Variants in HCRTR2 observed in about 807,000 individuals in gnomAD.
HCRTR2 encodes hypocretin receptor 2.
A neutral mutation model predicts 49.0 loss-of-function variants in HCRTR2; 22 were observed. The ratio of observed to expected loss-of-function variants is 0.45; its 90% CI spans 0.32 to 0.64. The LOEUF is 0.64. HCRTR2 is among the 30% of genes least tolerant of loss of function. The probability of loss-of-function intolerance (pLI) is 0.04; values close to 1 mark genes in which losing one functional copy is unlikely to be tolerated. For missense variants in HCRTR2, 491 were observed against 559.4 expected (o/e 0.88, Z 1.23); for synonymous variants, 236 against 205.3 (o/e 1.15, Z -1.28).
chr6:55,224,958 T>G (rs768278176), intron 1 of HCRTR2, among the ~76,000 whole-genome samples: 1 of 152,178 alleles, frequency 6.6e-6, no homozygotes, highest in Non-Finnish European at 1.5e-5. Flanking sequence ...ATATAGTTAG[T>G]AACAATATTT....
chr6:55,110,504 T>C (rs1401625103), intron 1 of HCRTR2, among the ~76,000 whole-genome samples: 1 of 151,948 alleles, frequency 6.6e-6, no homozygotes, highest in Non-Finnish European at 1.5e-5. Flanking sequence ...TAAGGATTTA[T>C]ATAAACTTAA....
At chr6:55,130,884 G>C (rs542420731) in intron 1 of HCRTR2, among the ~76,000 whole-genome samples, 1 of 151,898 alleles carries the variant, frequency 6.6e-6, no homozygotes, top group Admixed American at 6.6e-5. Context: ...TCTGGCTTGG[G>C]CAAATCTTCA....
chr6:55,233,817 TA>T (rs1369655706), intron 1 of HCRTR2, among the ~76,000 whole-genome samples: 2 of 152,216 alleles, frequency 1.3e-5, no homozygotes, highest in East Asian at 3.8e-4. Context: ...AAATAGGAAG[TA>T]AAACATGATT....
At chr6:55,248,549 T>C (rs62416818) in intron 1 of HCRTR2, 90 bp from the exon 2 acceptor site, 232,015 of 1,064,470 alleles carry the variant, frequency 0.22, 27,060 homozygotes, top group Middle Eastern at 0.26. Context: ...TAAATACATA[T>C]TTGTGGACTT....
At chr6:55,177,492 G>A (rs1765061528) in intron 1 of HCRTR2, among the ~76,000 whole-genome samples, 1 of 152,070 alleles carries the variant, frequency 6.6e-6, no homozygotes. Flanking sequence ...GGTAGGACAG[G>A]ATGTCACATG....
At chr6:55,157,622 A>G (rs1369559831) in intron 1 of HCRTR2, among the ~76,000 whole-genome samples, 2 of 150,760 alleles carry the variant, frequency 1.3e-5, no homozygotes, top group African/African-American at 5.0e-5. Flanking sequence ...AGCACAGCCC[A>G]AGGGTGGTAA....
At chr6:55,190,748 C>G (rs915569032) in intron 1 of HCRTR2, among the ~76,000 whole-genome samples, 1 of 152,080 alleles carries the variant, frequency 6.6e-6, no homozygotes, top group Non-Finnish European at 1.5e-5. Flanking sequence ...TTACTTTGAA[C>G]AATGCATTTA....
intron 1 of HCRTR2, among the ~76,000 whole-genome samples, chr6:55,135,965 T>A (rs1024555945): frequency 6.6e-6 from 1 of 152,204 alleles, no homozygotes; most frequent in Non-Finnish European, 1.5e-5. Flanking sequence ...TCAATTTTCA[T>A]GGCTCTAAAA....
chr6:55,240,733 C>T, intron 1 of HCRTR2: 1 of 382,178 alleles, frequency 2.6e-6, no homozygotes, highest in Non-Finnish European at 5.2e-6. Context: ...TCCTGGTCAG[C>T]TTCCCAGGTT....
chr6:55,278,646 G>A (rs910798085), intron 5 of HCRTR2, among the ~76,000 whole-genome samples: 1 of 151,552 alleles, frequency 6.6e-6, no homozygotes, highest in African/African-American at 2.4e-5. Context: ...TTTGTGGCCT[G>A]GGTCCTTGAG....
rs376959252 is a variant in HCRTR2 at position 55,108,820 on chromosome 6, T to TG, written c.-378+2281dup. Among the ~76,000 whole-genome samples, 573 of 152,034 alleles carry TG rather than the reference T, an allele frequency of 3.8e-3. 6 individuals carry two copies. The highest frequency in any genetic ancestry group is 0.012 in the African/African-American group (505 of 41,502). ...GAGTGCAAATTTTCCAGGGCAGAAC[T>TG]GGGGGGTTGGGGTGAAGGGAGAGAG... On this transcript the variant is annotated intron_variant, in intron 1 of 7. Coordinates refer to the HCRTR2 transcript ENST00000615358.
At chr6:55,174,309 C>T (rs1764994735), upstream of HCRTR2, 1 of 490,552 alleles carries the variant, frequency 2.0e-6, no homozygotes, top group South Asian at 2.1e-5. Context: ...GTAGCTTTCT[C>T]CTCCTGGTGT....
chr6:55,280,526 AGTTTAGTTGCTAT>A, intron 6 of HCRTR2, 82 bp downstream of exon 6: 2 of 1,579,356 alleles, frequency 1.3e-6, no homozygotes, highest in Non-Finnish European at 1.7e-6. Flanking sequence ...CTATATGAGG[AGTTTAGTTGCTAT>A]GTGAGTTGTA....
intron 1 of HCRTR2, among the ~76,000 whole-genome samples, chr6:55,115,809 G>T (rs1199230532): frequency 6.7e-6 from 1 of 150,204 alleles, no homozygotes; most frequent in Admixed American, 6.7e-5. Flanking sequence ...ATAATACAGA[G>T]ATATTCATTC....
intron 1 of HCRTR2, among the ~76,000 whole-genome samples, chr6:55,240,220 C>T (rs1356297035): frequency 6.6e-6 from 1 of 151,220 alleles, no homozygotes; most frequent in Non-Finnish European, 1.5e-5. Flanking sequence ...TAGCCAGGCG[C>T]GGTGGCGGGC....
intron 1 of HCRTR2, among the ~76,000 whole-genome samples, chr6:55,177,713 G>A (rs563918260): frequency 6.6e-6 from 1 of 152,064 alleles, no homozygotes; most frequent in Non-Finnish European, 1.5e-5. Flanking sequence ...TGATGTAATA[G>A]GATATGCTGT....
chr6:55,162,958 T>C (rs1262180322), intron 1 of HCRTR2, among the ~76,000 whole-genome samples: 1 of 151,962 alleles, frequency 6.6e-6, no homozygotes, highest in Non-Finnish European at 1.5e-5. Context: ...ACAGAATTAG[T>C]AAAAAACTGG....
chr6:55,274,239 G>GTATATATATATA lies in HCRTR2; in HGVS notation c.763-3134_763-3123dup, dbSNP rs61667408. ...TCTCTGCAATGTTTCATCATTTTCA[G>GTATATATATATA]TATATATATATATATATAATGAAAT... On this transcript the variant is annotated intron_variant, in intron 4 of 6. Coordinates refer to ENST00000370862, the MANE Select transcript of HCRTR2 (RefSeq NM_001384272.1). 8.4e-4 allele frequency among the ~76,000 whole-genome samples: 100 copies of GTATATATATATA among 119,502 alleles called. 1 individual carries two copies. The highest frequency in any genetic ancestry group is 2.5e-3 in the African/African-American group (83 of 32,910). The allele number at this position is 119,502 out of a possible 152,430, so 78.4% of individuals were successfully genotyped here.
intron 1 of HCRTR2, among the ~76,000 whole-genome samples, chr6:55,159,885 GA>G (rs556020896): frequency 4.1e-4 from 63 of 152,308 alleles, no homozygotes; most frequent in Middle Eastern, 3.4e-3. Context: ...AAGTGACGGG[GA>G]GAAAGGAATC....
Sources: allele counts gnomAD v4.1 joint callset (sites outside exome capture counted in the v4.1 genomes callset), GRCh38; gene constraint gnomAD v4.1.1; transcripts MANE v1.5; gene names NCBI Gene and HGNC (gene_info 2026-07-23, HGNC 2026-07-21).